DYNLL2: variants seen among roughly 807,000 people sequenced by gnomAD.
The protein encoded by DYNLL2 is dynein light chain LC8-type 2.
In DYNLL2, 1 loss-of-function variant was observed where a neutral mutation model predicts 9.7. That is an observed-to-expected ratio of 0.10 (90% confidence interval 0.04 to 0.49). The LOEUF (loss-of-function observed/expected upper bound fraction) is 0.49. Among genes scored for constraint, DYNLL2 ranks in the 20% least tolerant of loss-of-function variants. The pLI, the probability that DYNLL2 is intolerant of heterozygous loss-of-function variation, is 0.95. For synonymous variants in DYNLL2, 35 were observed against 40.5 expected, an observed-to-expected ratio of 0.86 and a Z score of 0.52; for missense variants, 37 against 115.2, an observed-to-expected ratio of 0.32 and a Z score of 3.11.
At chr17:58,086,770 G>A (rs2075761422) in intron 1 of DYNLL2, among the ~76,000 whole-genome samples, 1 of 152,158 alleles carries the variant, frequency 6.6e-6, no homozygotes, top group Non-Finnish European at 1.5e-5. Context: ...GCTAGTAGAT[G>A]TACACTGTAA....
In DYNLL2 at chr17:58,094,643, G is replaced by C. The variant is rs190740345; in HGVS notation, c.*5364G>C. On this transcript the variant is annotated 3_prime_UTR_variant, in exon 3 of 3. Transcript: ENST00000579991. ...CTGGATTGCCCTGTACTTGGTGGTG[G>C]TATACAGTTCAGCAGTTTTTAGCAT... is the stretch of plus-strand genomic sequence containing the variant. 1.8e-3 allele frequency: 272 copies of C among 152,282 alleles called. No homozygotes were observed. Among genetic ancestry groups the C allele is most frequent in the African/African-American group, 6.2e-3 (259 of 41,546 alleles). The allele number at this position is 152,282 out of a possible 1,614,324, so 9.4% of individuals were successfully genotyped here.
In DYNLL2 at chr17:58,087,162, C is replaced by T. The variant is rs757882780; in HGVS notation, c.72C>T (p.Cys24=). ...SEDMQQDAVD[C]ATQAMEKYNI... ...ACATGCAACAGGATGCCGTTGACTG[C>T]GCCACGCAGGCCATGGAGAAGTACA... Residue 24 remains cysteine (C), a synonymous_variant, in exon 2 of 3, where the codon TGC becomes TGT. Coordinates refer to ENST00000579991, the MANE Select transcript of DYNLL2 (RefSeq NM_080677.3). The T allele has an allele frequency of 2.3e-5, 37 of 1,614,192 alleles. No homozygotes were observed. The highest frequency in any genetic ancestry group is 1.8e-4 in the South Asian group (16 of 91,086).
At chr17:58,085,367 A>G (rs549868169) in intron 1 of DYNLL2, among the ~76,000 whole-genome samples, 6 of 152,296 alleles carry the variant, frequency 3.9e-5, no homozygotes, top group African/African-American at 1.4e-4. Flanking sequence ...CCCACAGGCT[A>G]TTGTGAACTC....
intron 2 of DYNLL2, among the ~76,000 whole-genome samples, chr17:58,088,841 T>A (rs1337434239): frequency 6.7e-6 from 1 of 150,332 alleles, no homozygotes; most frequent in African/African-American, 2.5e-5. Context: ...GGGCTAGGGG[T>A]GGCGTGAGGG....
At position 58,090,296 on chromosome 17, in the gene DYNLL2, CAG is replaced by C. The variant is rs1463080121; in HGVS notation, c.*1018_*1019del. On this transcript the variant is annotated 3_prime_UTR_variant, in exon 3 of 3. Coordinates refer to ENST00000579991, the MANE Select transcript of DYNLL2 (RefSeq NM_080677.3). ...GGTAGAAGGGAGGGAGGGGGCAGGACAGTGTGGAATCTCTAGGGTGTATGGGT... is the reference window on the plus strand; with the variant it reads ...GGTAGAAGGGAGGGAGGGGGCAGGACTGTGGAATCTCTAGGGTGTATGGGT... 1 of 174,252 alleles carries C rather than the reference CAG, an allele frequency of 5.7e-6. No individual in the cohort carries two copies. The highest frequency in any genetic ancestry group is 1.2e-5 in the Non-Finnish European group (1 of 83,166). 10.8% of individuals were successfully genotyped at this position (174,252 alleles called of 1,614,324 possible).
At chr17:58,086,144 G>T (rs1232453364) in intron 1 of DYNLL2, among the ~76,000 whole-genome samples, 1 of 152,154 alleles carries the variant, frequency 6.6e-6, no homozygotes. Flanking sequence ...TACCTCTTAC[G>T]GGCATCTCAG....
At chr17:58,087,334 C>T in intron 2 of DYNLL2, 112 bp downstream of exon 2, 1 of 1,446,468 alleles carries the variant, frequency 6.9e-7, no homozygotes, top group Non-Finnish European at 9.3e-7. Context: ...CCTGTGCAAG[C>T]AAAACCCTAG....
At chr17:58,088,166 C>G (rs1444479105) in intron 2 of DYNLL2, among the ~76,000 whole-genome samples, 1 of 28,450 alleles carries the variant, frequency 3.5e-5, no homozygotes, top group African/African-American at 5.3e-5. Context: ...CTCTGAGAGC[C>G]AGAAGAATCC....
chr17:58,089,351 A>C lies in DYNLL2; in HGVS notation c.*72A>C. 6.4e-7 allele frequency: 1 copy of C among 1,570,228 alleles called. No individual in the cohort carries two copies. The highest frequency in any genetic ancestry group is 8.7e-7 in the Non-Finnish European group (1 of 1,153,506). On this transcript the variant is annotated 3_prime_UTR_variant, in exon 3 of 3. Transcript: ENST00000579991. ...GGCGGCGTTGCTGGGACTGTTTTGC[A>C]CTGGAGCCAGCATCAGGATGTCCTC...
chr17:58,086,883 A>C (rs535689558), intron 1 of DYNLL2, among the ~76,000 whole-genome samples, 199 bp from the exon 2 acceptor site: 5 of 152,204 alleles, frequency 3.3e-5, no homozygotes, highest in Non-Finnish European at 5.9e-5. Flanking sequence ...ATTATGTCCT[A>C]TTGGCCCTGT....
chr17:58,093,643 C>G lies in DYNLL2; in HGVS notation c.*4364C>G, dbSNP rs1283235337. 6.6e-6 allele frequency: 1 copy of G among 152,178 alleles called. No homozygotes were observed. Among genetic ancestry groups the G allele is most frequent in the African/African-American group, 2.4e-5 (1 of 41,410 alleles). The allele number at this position is 152,178 out of a possible 1,614,324, so 9.4% of individuals were successfully genotyped here. A position where few individuals can be genotyped will look rare whatever the true frequency, so the allele number is the denominator to read the frequency against. On this transcript the variant is annotated 3_prime_UTR_variant, in exon 3 of 3. Coordinates refer to ENST00000579991, the MANE Select transcript of DYNLL2 (RefSeq NM_080677.3). ...CCCTGATGTTCCCTCTCTTGGGGCT[C>G]TGGTTTAGCAAGGACAGCGAGGATA...
rs967374819 is a variant in DYNLL2, at chr17:58,092,609, G to T, written c.*3330G>T. 2 of 152,200 alleles carry T rather than the reference G, an allele frequency of 1.3e-5. No homozygotes were observed. Among genetic ancestry groups the T allele is most frequent in the African/African-American group, 4.8e-5 (2 of 41,426 alleles). 9.4% of individuals were successfully genotyped at this position (152,200 alleles called of 1,614,324 possible). ...TTGTATCCTGTTCTCCAGTCTTCTG[G>T]GGACCCCCTTTGACTGAACCCAACC... is the stretch of plus-strand genomic sequence containing the variant. On this transcript the variant is annotated 3_prime_UTR_variant, in exon 3 of 3. Transcript: ENST00000579991.
Position 58,090,449 on chromosome 17 carries a change from C to T in DYNLL2, c.*1170C>T, listed in dbSNP as rs2143599511. Reference sequence around the variant, plus strand: ...CTAGCCCAGACACTCTGCTTGCTCTCTGGCTGTCTGCTCCCTGGGAAGGCT... The same window carrying T: ...CTAGCCCAGACACTCTGCTTGCTCTTTGGCTGTCTGCTCCCTGGGAAGGCT... On this transcript the variant is annotated 3_prime_UTR_variant, in exon 3 of 3. Transcript: ENST00000579991. 6.6e-6 allele frequency: 1 copy of T among 151,906 alleles called. No individual in the cohort carries two copies. Among genetic ancestry groups the T allele is most frequent in the Non-Finnish European group, 1.5e-5 (1 of 68,008 alleles). The allele number at this position is 151,906 out of a possible 1,614,324, so 9.4% of individuals were successfully genotyped here. A position where few individuals can be genotyped will look rare whatever the true frequency, so the allele number is the denominator to read the frequency against.
chr17:58,084,669 C>T lies in DYNLL2; in HGVS notation c.-10+986C>T, dbSNP rs1337434995. Among the ~76,000 whole-genome samples, 4 of 152,204 alleles carry T rather than the reference C, an allele frequency of 2.6e-5. No individual in the cohort carries two copies. The East Asian group carries it at 5.8e-4, about 22-fold the overall frequency. On this transcript the variant is annotated intron_variant, in intron 1 of 2. Coordinates refer to ENST00000579991, the MANE Select transcript of DYNLL2 (RefSeq NM_080677.3). ...TCGTAAGACCAATATTATGTAACCG[C>T]AGGCTCTTTCCTGGAGAGTAAGGTG...
At chr17:58,088,074 T>A (rs1011193317) in intron 2 of DYNLL2, among the ~76,000 whole-genome samples, 13 of 128,616 alleles carry the variant, frequency 1.0e-4, no homozygotes, top group East Asian at 2.3e-4. Context: ...AAAGAAGAAC[T>A]CCTGGAGTCC....
rs2075781789 is a variant in DYNLL2 at position 58,091,992 on chromosome 17, A to G, written c.*2713A>G. ...ATACACATTCTTATGTGTAGAGCAG[A>G]CATACACACACTGATCAACTTTTTC... On this transcript the variant is annotated 3_prime_UTR_variant, in exon 3 of 3. Coordinates refer to ENST00000579991, the MANE Select transcript of DYNLL2 (RefSeq NM_080677.3). The G allele has an allele frequency of 6.6e-6, 1 of 152,224 alleles. No homozygotes were observed. Among genetic ancestry groups the G allele is most frequent in the African/African-American group, 2.4e-5 (1 of 41,444 alleles). 9.4% of individuals were successfully genotyped at this position (152,224 alleles called of 1,614,324 possible). A position where few individuals can be genotyped will look rare whatever the true frequency, so the allele number is the denominator to read the frequency against.
intron 2 of DYNLL2, 92 bp downstream of exon 2, chr17:58,087,314 G>C: frequency 6.5e-7 from 1 of 1,549,374 alleles, no homozygotes; most frequent in Non-Finnish European, 8.8e-7. Context: ...ACATAAGAAA[G>C]CCCGTATATC....
Position 58,092,965 on chromosome 17 carries a change from C to T in DYNLL2, c.*3686C>T, listed in dbSNP as rs1047342357. ...TCTCCCCCATCGCTGTTATCCTTAC[C>T]CAGTTTAATTCCACGTAGCATCTGC... On this transcript the variant is annotated 3_prime_UTR_variant, in exon 3 of 3. Coordinates refer to ENST00000579991, the MANE Select transcript of DYNLL2 (RefSeq NM_080677.3). 3.9e-5 allele frequency: 6 copies of T among 152,210 alleles called. No homozygotes were observed. Among genetic ancestry groups the T allele is most frequent in the Non-Finnish European group, 8.8e-5 (6 of 68,046 alleles). 9.4% of individuals were successfully genotyped at this position (152,210 alleles called of 1,614,324 possible). A position where few individuals can be genotyped will look rare whatever the true frequency, so the allele number is the denominator to read the frequency against.
rs928508987 is a variant in DYNLL2, at chr17:58,093,293, G to C, written c.*4014G>C. The stretch of plus-strand genomic sequence containing the variant: ...AAAGGCGTGAGAGGGTCACTCCCAG[G>C]TGTATTCAAGCAAGAGTGCCTGAGC... On this transcript the variant is annotated 3_prime_UTR_variant, in exon 3 of 3. Transcript: ENST00000579991. 1 of 152,174 alleles carries C rather than the reference G, an allele frequency of 6.6e-6. No homozygotes were observed. Among genetic ancestry groups the C allele is most frequent in the African/African-American group, 2.4e-5 (1 of 41,446 alleles). 9.4% of individuals were successfully genotyped at this position (152,174 alleles called of 1,614,324 possible).
Sources: allele counts gnomAD v4.1 joint callset (sites outside exome capture counted in the v4.1 genomes callset), GRCh38; gene constraint gnomAD v4.1.1; transcripts MANE v1.5; gene names NCBI Gene and HGNC (gene_info 2026-07-23, HGNC 2026-07-21).